GPSM2: variants seen among roughly 807,000 people sequenced by gnomAD.
The protein encoded by GPSM2 is G protein-signaling modulator 2.
A neutral mutation model predicts 78.4 loss-of-function variants in GPSM2; 58 were observed. The observed-to-expected ratio is 0.74, with a 90% CI of 0.60 to 0.92. The LOEUF (loss-of-function observed/expected upper bound fraction) is 0.92, where lower values mean the gene tolerates loss of function less well. Ranked by LOEUF, GPSM2 falls within the 40% of genes least tolerant of loss-of-function variation. The pLI is 0.00. For synonymous variants in GPSM2, 224 were observed against 280.2 expected, an observed-to-expected ratio of 0.80 and a Z score of 2.00; for missense variants, 700 against 815.5, an observed-to-expected ratio of 0.86 and a Z score of 1.73.
At chr1:108,911,346 G>A (rs1327228293) in intron 10 of GPSM2, among the ~76,000 whole-genome samples, 1 of 152,082 alleles carries the variant, frequency 6.6e-6, no homozygotes, top group African/African-American at 2.4e-5. Flanking sequence ...TGGCCAACAT[G>A]GTGAGACCCC....
At position 108,898,119 on chromosome 1, in the gene GPSM2, T is replaced by C. The variant is rs769706076; in HGVS notation, c.557+18T>C. 25 of 1,611,186 alleles carry C rather than the reference T, an allele frequency of 1.6e-5. No homozygotes were observed. Among genetic ancestry groups the C allele is most frequent in the Admixed American group, 8.3e-5 (5 of 59,990 alleles). On this transcript the variant is annotated intron_variant, in intron 5 of 14. Coordinates refer to ENST00000264126, the MANE Select transcript of GPSM2 (RefSeq NM_013296.5). The stretch of plus-strand genomic sequence containing the variant: ...TTTTATGAGTGAGTAGGGGCTGATA[T>C]GGGCAGTCATGTAGGCCCATCTAAG...
intron 2 of GPSM2, among the ~76,000 whole-genome samples, chr1:108,896,251 A>G (rs573150120): frequency 2.0e-5 from 3 of 152,134 alleles, no homozygotes; most frequent in Non-Finnish European, 4.4e-5. Flanking sequence ...TAGTTTCTTG[A>G]CACCTAGTTC....
In GPSM2 at chr1:108,930,903, A is replaced by C. The variant is rs1356785475; in HGVS notation, c.*963A>C. 1 of 126,726 alleles carries C rather than the reference A, an allele frequency of 7.9e-6. No homozygotes were observed. The highest frequency in any genetic ancestry group is 1.6e-5 in the Non-Finnish European group (1 of 60,858). 7.9% of individuals were successfully genotyped at this position (126,726 alleles called of 1,614,324 possible). A position where few individuals can be genotyped will look rare whatever the true frequency, so the allele number is the denominator to read the frequency against. On this transcript the variant is annotated 3_prime_UTR_variant, in exon 15 of 15. Coordinates refer to ENST00000264126, the MANE Select transcript of GPSM2 (RefSeq NM_013296.5). ...AAGACTCTGTCTCAAAAAAAAAAAA[A>C]ACAGCAAGCATGCTGGCACACACCT...
At chr1:108,904,629 T>G (rs1032332658) in intron 10 of GPSM2, among the ~76,000 whole-genome samples, 2 of 151,908 alleles carry the variant, frequency 1.3e-5, no homozygotes, top group Non-Finnish European at 2.9e-5. Context: ...GTTTATCCTT[T>G]TTATCTCATA....
chr1:108,898,523 C>T, intron 5 of GPSM2, 119 bp from the exon 6 acceptor site: 1 of 828,792 alleles, frequency 1.2e-6, no homozygotes, highest in Non-Finnish European at 2.0e-6. Flanking sequence ...TAAAATGTTG[C>T]ACATTATGGC....
chr1:108,906,792 C>A (rs1570919358), intron 10 of GPSM2, among the ~76,000 whole-genome samples: 1 of 152,110 alleles, frequency 6.6e-6, no homozygotes, highest in South Asian at 2.1e-4. Context: ...GCAGGAGAAT[C>A]GCTTGAACCT....
In GPSM2 at chr1:108,931,129, T is replaced by A; in HGVS notation, c.*1189T>A. The A allele has an allele frequency of 2.0e-6, 1 of 507,204 alleles. No homozygotes were observed. 31.4% of individuals were successfully genotyped at this position (507,204 alleles called of 1,614,324 possible). On this transcript the variant is annotated 3_prime_UTR_variant, in exon 15 of 15. Transcript: ENST00000264126. The stretch of plus-strand genomic sequence containing the variant: ...AATGGTCTCTTCTGTTCCATAATAC[T>A]GCTGTAAAACAAACTTTTCTAAGTT...
intron 10 of GPSM2, among the ~76,000 whole-genome samples, chr1:108,910,166 AT>A (rs1442106664): frequency 2.6e-5 from 4 of 152,192 alleles, no homozygotes; most frequent in African/African-American, 9.6e-5. Context: ...ATGACAAAAT[AT>A]TTGAAAATCT....
rs923784064 is a variant in GPSM2, at chr1:108,878,783, G to A, written c.-249+1555G>A. On this transcript the variant is annotated intron_variant, in intron 1 of 14. Coordinates refer to ENST00000264126, the MANE Select transcript of GPSM2 (RefSeq NM_013296.5). Reference sequence around the variant, plus strand: ...TACTTTTGTTATGTATCAGAGCCAGGTGCTGGGTCAGGTGCTTTATAAATC... The same window carrying A: ...TACTTTTGTTATGTATCAGAGCCAGATGCTGGGTCAGGTGCTTTATAAATC... Among the ~76,000 whole-genome samples, 6 of 152,128 alleles carry A rather than the reference G, an allele frequency of 3.9e-5. No homozygotes were observed. The South Asian group carries it at 8.3e-4, about 21-fold the overall frequency.
chr1:108,882,945 G>A (rs532056680), intron 1 of GPSM2, among the ~76,000 whole-genome samples: 1 of 152,282 alleles, frequency 6.6e-6, no homozygotes, highest in South Asian at 2.1e-4. Context: ...GCATGCACCT[G>A]TAGTCCCAGC....
At chr1:108,918,371 C>T (rs1038080286) in intron 11 of GPSM2, among the ~76,000 whole-genome samples, 3 of 152,064 alleles carry the variant, frequency 2.0e-5, no homozygotes, top group Admixed American at 6.6e-5. Flanking sequence ...CTTTCTTATT[C>T]GTAGGTTCTT....
chr1:108,901,698 G>A (rs1648835895), intron 7 of GPSM2, 92 bp from the exon 8 acceptor site: 1 of 921,632 alleles, frequency 1.1e-6, no homozygotes, highest in Admixed American at 1.7e-5. Flanking sequence ...ACAGCAGAAA[G>A]CAGCAGAGAG....
At chr1:108,912,461 A>T (rs1053178660) in intron 10 of GPSM2, among the ~76,000 whole-genome samples, 1 of 151,888 alleles carries the variant, frequency 6.6e-6, no homozygotes, top group Non-Finnish European at 1.5e-5. Context: ...GTGATGATGC[A>T]GGAGAGGTGC....
rs771464606 is a variant in GPSM2, at chr1:108,896,987, A to G, written c.180A>G (p.Thr60=). The G allele has an allele frequency of 1.9e-6, 3 of 1,613,904 alleles. No homozygotes were observed. Among genetic ancestry groups the G allele is most frequent in the Non-Finnish European group, 2.5e-6 (3 of 1,179,890 alleles). Reference sequence around the variant, plus strand: ...AAGTTGGAACTGAAGACCTAAAAACACTTAGCGCTATTTACAGCCAGTTGG... The same window carrying G: ...AAGTTGGAACTGAAGACCTAAAAACGCTTAGCGCTATTTACAGCCAGTTGG... ...AVQVGTEDLK[T]LSAIYSQLGN... The change falls in exon 3 of 15, where the codon ACA becomes ACG. Residue 60 remains threonine (T), a synonymous_variant. Coordinates refer to ENST00000264126, the MANE Select transcript of GPSM2 (RefSeq NM_013296.5).
intron 1 of GPSM2, among the ~76,000 whole-genome samples, chr1:108,879,789 C>T (rs1050483029): frequency 1.1e-4 from 16 of 151,886 alleles, no homozygotes; most frequent in African/African-American, 3.6e-4. Context: ...CACTCCAGCC[C>T]GGGTGACAGA....
intron 1 of GPSM2, among the ~76,000 whole-genome samples, chr1:108,882,321 A>C (rs751173798): frequency 1.9e-4 from 29 of 152,220 alleles, no homozygotes; most frequent in Non-Finnish European, 3.2e-4. Flanking sequence ...GGATACCAAA[A>C]TCCATGGATG....
intron 2 of GPSM2, among the ~76,000 whole-genome samples, chr1:108,895,876 A>G (rs1393169281): frequency 6.6e-6 from 1 of 152,238 alleles, no homozygotes; most frequent in Non-Finnish European, 1.5e-5. Flanking sequence ...AGACCGTTGT[A>G]TTAGAATATA....
At chr1:108,889,690 C>T (rs182820641) in intron 2 of GPSM2, among the ~76,000 whole-genome samples, 172 of 152,252 alleles carry the variant, frequency 1.1e-3, no homozygotes, top group African/African-American at 4.0e-3. Flanking sequence ...AATTGAGATC[C>T]TCAGGATCTT....
At chr1:108,929,445 A>G (rs1392757659) in intron 14 of GPSM2, 1 of 508,832 alleles carries the variant, frequency 2.0e-6, no homozygotes, top group Non-Finnish European at 3.5e-6. Context: ...TAATGCACGT[A>G]CTAAACCAAT....
Sources: allele counts gnomAD v4.1 joint callset (sites outside exome capture counted in the v4.1 genomes callset), GRCh38; gene constraint gnomAD v4.1.1; transcripts MANE v1.5; gene names NCBI Gene and HGNC (gene_info 2026-07-23, HGNC 2026-07-21).